Variants in CDH13 observed in about 807,000 individuals in gnomAD.
CDH13 encodes cadherin-13.
CDH13 carries 24 observed loss-of-function variants against 63.8 expected under a neutral mutation model. That is an observed-to-expected ratio of 0.38 (90% CI 0.27 to 0.53). The LOEUF is 0.53. Among genes scored for constraint, CDH13 ranks in the 20% least tolerant of loss-of-function variants. The probability of loss-of-function intolerance (pLI) is 0.85; values close to 1 mark genes in which losing one functional copy is unlikely to be tolerated. For missense variants in CDH13, 1,049 were observed against 903.1 expected, an observed-to-expected ratio of 1.16 and a Z score of -2.07; for synonymous variants, 503 against 355.3, an observed-to-expected ratio of 1.42 and a Z score of -4.67.
intron 6 of CDH13, among the ~76,000 whole-genome samples, chr16:83,368,031 A>G (rs1267502436): frequency 6.6e-6 from 1 of 152,182 alleles, no homozygotes; most frequent in Non-Finnish European, 1.5e-5. Flanking sequence ...ATATTTGATG[A>G]TATTGTAAAT....
intron 3 of CDH13, among the ~76,000 whole-genome samples, chr16:83,037,507 A>G (rs1916968083): frequency 6.6e-6 from 1 of 152,206 alleles, no homozygotes; most frequent in Non-Finnish European, 1.5e-5. Flanking sequence ...GAAAGGAAGA[A>G]AGAGCCAGGA....
chr16:83,516,860 G>A (rs1334057104), intron 7 of CDH13, among the ~76,000 whole-genome samples: 1 of 152,238 alleles, frequency 6.6e-6, no homozygotes, highest in African/African-American at 2.4e-5. Context: ...CCTTGTTGGG[G>A]AAAGCAAGGA....
intron 4 of CDH13, among the ~76,000 whole-genome samples, chr16:83,145,925 G>T (rs2036727065): frequency 6.6e-6 from 1 of 152,128 alleles, no homozygotes; most frequent in African/African-American, 2.4e-5. Context: ...CTAATGAAAG[G>T]ATGTTCCAGC....
intron 6 of CDH13, among the ~76,000 whole-genome samples, chr16:83,471,741 T>C (rs1427765034): frequency 6.6e-6 from 1 of 152,182 alleles, no homozygotes; most frequent in Non-Finnish European, 1.5e-5. Flanking sequence ...CTACACCATA[T>C]GCTCACCCGA....
chr16:82,993,101 T>C (rs1911838119), intron 2 of CDH13, among the ~76,000 whole-genome samples: 1 of 152,198 alleles, frequency 6.6e-6, no homozygotes, highest in African/African-American at 2.4e-5. Context: ...CCTTTGATCT[T>C]AGGTAGGTTA....
chr16:82,803,659 C>T (rs538497544), intron 1 of CDH13, among the ~76,000 whole-genome samples: 4 of 152,090 alleles, frequency 2.6e-5, no homozygotes, highest in Non-Finnish European at 5.9e-5. Context: ...AGAAGAAAGT[C>T]CTACCATTTG....
chr16:83,167,548 T>TCCC (rs893302323), intron 4 of CDH13, among the ~76,000 whole-genome samples: 3 of 144,074 alleles, frequency 2.1e-5, no homozygotes, highest in African/African-American at 7.8e-5. Context: ...TAGCCTGGGC[T>TCCC]CCCGTGTTGG....
intron 10 of CDH13, among the ~76,000 whole-genome samples, chr16:83,705,438 C>A (rs1391051161): frequency 1.3e-5 from 2 of 151,936 alleles, no homozygotes; most frequent in Non-Finnish European, 2.9e-5. Flanking sequence ...CTGGCTAACA[C>A]GGTGAAATCC....
intron 5 of CDH13, among the ~76,000 whole-genome samples, chr16:83,266,015 C>A (rs992814423): frequency 1.3e-5 from 2 of 152,128 alleles, no homozygotes; most frequent in Non-Finnish European, 2.9e-5. Context: ...TGGCTCACTG[C>A]ACCCTCTGCC....
intron 1 of CDH13, among the ~76,000 whole-genome samples, chr16:82,769,099 C>T (rs1030546058): frequency 3.9e-5 from 6 of 152,124 alleles, no homozygotes; most frequent in Non-Finnish European, 7.3e-5. Flanking sequence ...ATGTTGTCTT[C>T]GATGAGTCTA....
At chr16:83,243,776 AT>A (rs1904710409) in intron 5 of CDH13, among the ~76,000 whole-genome samples, 1 of 152,232 alleles carries the variant, frequency 6.6e-6, no homozygotes, top group Non-Finnish European at 1.5e-5. Context: ...ATATGAGGTC[AT>A]TATACTTATG....
At chr16:83,429,924 T>C (rs1382611581) in intron 6 of CDH13, among the ~76,000 whole-genome samples, 1 of 152,218 alleles carries the variant, frequency 6.6e-6, no homozygotes, top group Admixed American at 6.5e-5. Context: ...TGAAAACTGA[T>C]GCCCATTGAT....
chr16:83,430,037 G>A (rs2072048255), intron 6 of CDH13, among the ~76,000 whole-genome samples: 1 of 152,064 alleles, frequency 6.6e-6, no homozygotes, highest in Admixed American at 6.6e-5. Flanking sequence ...AAGTTGATCT[G>A]GTACAGACAC....
chr16:83,297,464 G>T (rs939893435), intron 5 of CDH13, among the ~76,000 whole-genome samples: 1 of 152,154 alleles, frequency 6.6e-6, no homozygotes, highest in Non-Finnish European at 1.5e-5. Context: ...GACTGAGTGG[G>T]ACGCAAGTGA....
chr16:82,869,660 C>T (rs371207026), intron 2 of CDH13, among the ~76,000 whole-genome samples: 4 of 152,070 alleles, frequency 2.6e-5, no homozygotes, highest in East Asian at 3.9e-4. Context: ...GACAGAATAG[C>T]TAACCCAGAA....
At chr16:83,442,685 G>A (rs1022666080) in intron 6 of CDH13, among the ~76,000 whole-genome samples, 5 of 152,228 alleles carry the variant, frequency 3.3e-5, no homozygotes, top group South Asian at 2.1e-4. Context: ...AGTTAGGGCT[G>A]CATTTTGAAA....
At chr16:83,283,701 C>A (rs2089240341) in intron 5 of CDH13, among the ~76,000 whole-genome samples, 4 of 152,140 alleles carry the variant, frequency 2.6e-5, no homozygotes. Flanking sequence ...GTGCCTTTTC[C>A]CTTCCACCTT....
chr16:83,104,513 T>G (rs572216603), intron 3 of CDH13, among the ~76,000 whole-genome samples: 115 of 152,080 alleles, frequency 7.6e-4, no homozygotes, highest in African/African-American at 2.7e-3. Context: ...TTTAAGTAGG[T>G]TAAGGCAACC....
chr16:83,296,374 A>C (rs7201419), intron 5 of CDH13, among the ~76,000 whole-genome samples: 74,818 of 151,870 alleles, frequency 0.49, 18,691 homozygotes, highest in South Asian at 0.66. Context: ...TAGTGCCTGG[A>C]CAATTAAGTA....
Sources: gnomAD v4.1 joint callset for allele counts (sites outside exome capture counted in the v4.1 genomes callset) on GRCh38, gnomAD v4.1.1 for gene constraint, MANE v1.5 for transcripts, NCBI Gene and HGNC (gene_info 2026-07-23, HGNC 2026-07-21) for gene names.